Variants in DOCK4 observed in about 807,000 individuals in gnomAD.
DOCK4 encodes the protein dedicator of cytokinesis protein 4.
A neutral mutation model predicts 268.1 loss-of-function variants in DOCK4; 97 were observed. The observed-to-expected ratio is 0.36, with a 90% confidence interval of 0.31 to 0.43. DOCK4 has a LOEUF of 0.43. Ranked by LOEUF, DOCK4 falls within the 20% of genes least tolerant of loss-of-function variation. DOCK4 has a pLI of 1.00. For synonymous variants in DOCK4, 954 were observed against 887.2 expected, an observed-to-expected ratio of 1.08 and a Z score of -1.34; for missense variants, 2,145 against 2,455.7, an observed-to-expected ratio of 0.87 and a Z score of 2.67.
At chr7:112,076,494 G>T (rs1330988315) in intron 1 of DOCK4, among the ~76,000 whole-genome samples, 1 of 152,020 alleles carries the variant, frequency 6.6e-6, no homozygotes, top group African/African-American at 2.4e-5. Flanking sequence ...CATGATCAAA[G>T]ACATCTGGCT....
chr7:111,949,790 A>G (rs1795908123), intron 8 of DOCK4, among the ~76,000 whole-genome samples: 1 of 152,230 alleles, frequency 6.6e-6, no homozygotes, highest in South Asian at 2.1e-4. Context: ...TTTGGACAAA[A>G]AAAGACCTAT....
chr7:112,080,618 T>C (rs1331217336), intron 1 of DOCK4, among the ~76,000 whole-genome samples: 1 of 152,200 alleles, frequency 6.6e-6, no homozygotes, highest in Non-Finnish European at 1.5e-5. Flanking sequence ...CTTGTGACAA[T>C]GTGCAGAAAC....
chr7:112,182,957 C>T (rs1005800970), intron 1 of DOCK4, among the ~76,000 whole-genome samples: 2 of 152,236 alleles, frequency 1.3e-5, no homozygotes, highest in African/African-American at 4.8e-5. Flanking sequence ...GGAATTCTGG[C>T]TGGCTTCCAG....
At chr7:112,061,842 C>A (rs919574225) in intron 1 of DOCK4, among the ~76,000 whole-genome samples, 12 of 151,448 alleles carry the variant, frequency 7.9e-5, no homozygotes, top group Non-Finnish European at 1.2e-4. Context: ...TTCCCAGTGT[C>A]TTTGTTATAG....
rs201892749 is a variant in DOCK4, at chr7:111,788,731, A to T, written c.3332T>A (p.Ile1111Asn). Residue 1111 changes from isoleucine (I) to asparagine (N), a missense_variant, in exon 32 of 53, where the codon ATT becomes AAT. Around this residue, in one of 2 missense-constraint regions of DOCK4, gnomAD observed 1,598 missense variants for 1,986.7 expected, o/e 0.80. Coordinates refer to ENST00000428084, the MANE Select transcript of DOCK4 (RefSeq NM_001363540.2). The part of the protein sequence containing the change: ...GNFKQVEAKL[I>N]DKLDSLMSEG... ...TGACATCAGGCTATCCAGTTTGTCA[A>T]TTAGCTTGGCTTCCACCTGAAACAT... The T allele has an allele frequency of 6.3e-7, 1 of 1,591,050 alleles. No individual in the cohort carries two copies. Among genetic ancestry groups the T allele is most frequent in the Non-Finnish European group, 8.6e-7 (1 of 1,167,372 alleles).
chr7:111,794,804 C>G (rs1366723350), intron 30 of DOCK4, among the ~76,000 whole-genome samples: 1 of 152,178 alleles, frequency 6.6e-6, no homozygotes, highest in Non-Finnish European at 1.5e-5. Flanking sequence ...GCTGGCTCTA[C>G]AATGAATTCT....
chr7:111,935,081 G>C (rs1328562561), intron 12 of DOCK4, among the ~76,000 whole-genome samples: 1 of 151,776 alleles, frequency 6.6e-6, no homozygotes, highest in African/African-American at 2.4e-5. Flanking sequence ...CGAGTAGCTG[G>C]GATTACAGGC....
chr7:111,874,051 G>A (rs1324657847), intron 17 of DOCK4, among the ~76,000 whole-genome samples: 6 of 152,122 alleles, frequency 3.9e-5, no homozygotes, highest in Non-Finnish European at 5.9e-5. Flanking sequence ...GACTCAGGGC[G>A]ACAAAGGCAA....
chr7:111,783,010 G>GAAAAA, intron 34 of DOCK4, 86 bp from the exon 35 acceptor site: 3 of 526,390 alleles, frequency 5.7e-6, no homozygotes, highest in South Asian at 3.8e-5. Context: ...AAAAAAGAAA[G>GAAAAA]AAAGAAAGAA....
At chr7:112,027,423 C>A (rs1011653988) in intron 1 of DOCK4, among the ~76,000 whole-genome samples, 7 of 152,130 alleles carry the variant, frequency 4.6e-5, no homozygotes, top group Non-Finnish European at 7.4e-5. Context: ...CAGGGTTTCA[C>A]CATGTTGGCC....
At chr7:112,044,767 G>A (rs1374247667) in intron 1 of DOCK4, among the ~76,000 whole-genome samples, 2 of 151,652 alleles carry the variant, frequency 1.3e-5, no homozygotes, top group Admixed American at 1.3e-4. Context: ...ACATCCAATC[G>A]TTGAGCAAAC....
At chr7:111,804,921 T>C (rs1800564270) in intron 30 of DOCK4, among the ~76,000 whole-genome samples, 1 of 152,194 alleles carries the variant, frequency 6.6e-6, no homozygotes, top group South Asian at 2.1e-4. Flanking sequence ...TTTATTTGTA[T>C]TTTACCACAA....
At position 111,915,828 on chromosome 7, in the gene DOCK4, A is replaced by G; in HGVS notation, c.1143T>C (p.His381=). 4 of 1,612,858 alleles carry G rather than the reference A, an allele frequency of 2.5e-6. No individual in the cohort carries two copies. Among genetic ancestry groups the G allele is most frequent in the African/African-American group, 1.3e-5 (1 of 75,036 alleles). ...IRREYSSVFS[H]GVSITRKLGF... is the part of the protein sequence containing the mutation. The stretch of plus-strand genomic sequence containing the variant: ...CCAGCTTCCTTGTTATGGATACTCC[A>G]TGAGAAAATACTGATGAATATTCCC... The change falls in exon 13 of 53, where the codon CAT becomes CAC. Residue 381 remains histidine, a synonymous_variant. Coordinates refer to ENST00000428084, the MANE Select transcript of DOCK4 (RefSeq NM_001363540.2).
chr7:112,156,148 G>A (rs1586938097), intron 1 of DOCK4, among the ~76,000 whole-genome samples: 1 of 151,964 alleles, frequency 6.6e-6, no homozygotes, highest in Non-Finnish European at 1.5e-5. Context: ...GTACTTTACT[G>A]AGCCTCGGCT....
intron 1 of DOCK4, among the ~76,000 whole-genome samples, chr7:112,173,108 C>G (rs1165703895): frequency 6.6e-6 from 1 of 152,204 alleles, no homozygotes; most frequent in African/African-American, 2.4e-5. Flanking sequence ...CCCAATGATA[C>G]CCAGAATCCA....
At chr7:112,173,186 T>G (rs1818226372) in intron 1 of DOCK4, among the ~76,000 whole-genome samples, 1 of 152,206 alleles carries the variant, frequency 6.6e-6, no homozygotes, top group Non-Finnish European at 1.5e-5. Context: ...AGACATTTTA[T>G]CCAAACACCA....
intron 1 of DOCK4, among the ~76,000 whole-genome samples, chr7:112,177,852 G>T (rs986456195): frequency 2.0e-5 from 3 of 152,118 alleles, no homozygotes; most frequent in African/African-American, 7.2e-5. Context: ...AAGGACACCT[G>T]CTTTGCAGAA....
intron 8 of DOCK4, chr7:111,976,674 T>C (rs1170765384): frequency 6.6e-6 from 1 of 152,234 alleles, no homozygotes; most frequent in Non-Finnish European, 1.5e-5. Flanking sequence ...CTCAAAGCTC[T>C]GAGACTTTAA....
intron 1 of DOCK4, among the ~76,000 whole-genome samples, chr7:112,205,488 A>G (rs1254884764): frequency 6.6e-6 from 1 of 152,132 alleles, no homozygotes; most frequent in Non-Finnish European, 1.5e-5. Flanking sequence ...CCGCCCCGCA[A>G]CATACACACC....
Sources: allele counts gnomAD v4.1 joint callset (sites outside exome capture counted in the v4.1 genomes callset), GRCh38; gene constraint gnomAD v4.1.1; regional missense constraint gnomAD v4.1.1; transcripts MANE v1.5; gene names NCBI Gene and HGNC (gene_info 2026-07-23, HGNC 2026-07-21).